The following ARHGAP26 variants were observed in gnomAD, a reference collection of about 807,000 sequenced individuals.
The protein encoded by ARHGAP26 is Rho GTPase activating protein 26, also known as rho GTPase-activating protein 26.
A neutral mutation model predicts 104.8 loss-of-function variants in ARHGAP26; 38 were observed. The ratio of observed to expected loss-of-function variants is 0.36; its 90% CI spans 0.28 to 0.48. The LOEUF (loss-of-function observed/expected upper bound fraction) is 0.48, where lower values mean the gene tolerates loss of function less well. ARHGAP26 is among the 20% of genes least tolerant of loss of function. The pLI is 0.99. For missense variants in ARHGAP26, 704 were observed against 947.9 expected (o/e 0.74, Z 3.38); for synonymous variants, 341 against 340.0 (o/e 1.00, Z -0.03).
In ARHGAP26 at chr5:143,207,279, A is replaced by T; in HGVS notation, c.2070A>T (p.Ser690=). 1 of 1,613,576 alleles carries T rather than the reference A, an allele frequency of 6.2e-7. No individual in the cohort carries two copies. Among genetic ancestry groups the T allele is most frequent in the African/African-American group, 1.3e-5 (1 of 74,838 alleles). ...FSAPSSPMPT[S]STSSDSSPVS... ...CGCCATCCAGCCCTATGCCCACCTCATCCACGTCCAGCGACTCATCCCCCG... is the reference window on the plus strand; with the variant it reads ...CGCCATCCAGCCCTATGCCCACCTCTTCCACGTCCAGCGACTCATCCCCCG... The change falls in exon 21 of 23, where the codon TCA becomes TCT. Residue 690 remains serine (S), a synonymous_variant. Transcript: ENST00000645722.
intron 1 of ARHGAP26, among the ~76,000 whole-genome samples, chr5:142,835,399 T>C (rs576521924): frequency 6.6e-6 from 1 of 152,334 alleles, no homozygotes; most frequent in East Asian, 1.9e-4. Context: ...CTCCTGGGTC[T>C]TGCAATCTTT....
chr5:143,060,054 T>C (rs988997412), intron 17 of ARHGAP26, among the ~76,000 whole-genome samples: 6 of 152,210 alleles, frequency 3.9e-5, no homozygotes, highest in Non-Finnish European at 7.3e-5. Flanking sequence ...TATATTCTCA[T>C]TTACAGCACT....
chr5:143,210,625 A>G (rs1160017295), intron 21 of ARHGAP26, among the ~76,000 whole-genome samples: 2 of 152,186 alleles, frequency 1.3e-5, no homozygotes, highest in Non-Finnish European at 2.9e-5. Flanking sequence ...CCAAACCCGT[A>G]ACTTGCATTT....
chr5:142,858,016 A>G (rs1389930092), intron 1 of ARHGAP26, among the ~76,000 whole-genome samples: 1 of 151,902 alleles, frequency 6.6e-6, no homozygotes, highest in African/African-American at 2.4e-5. Context: ...GTCTCCAAAG[A>G]GAGAGGGAGA....
At chr5:142,905,281 C>A (rs923584601) in intron 8 of ARHGAP26, among the ~76,000 whole-genome samples, 3 of 152,194 alleles carry the variant, frequency 2.0e-5, no homozygotes, top group Non-Finnish European at 2.9e-5. Context: ...TCATGTCACA[C>A]ACTTTTATTC....
intron 1 of ARHGAP26, among the ~76,000 whole-genome samples, chr5:142,806,506 T>C (rs1763018152): frequency 6.6e-6 from 1 of 151,134 alleles, no homozygotes; most frequent in Non-Finnish European, 1.5e-5. Flanking sequence ...TGTGTGTGTG[T>C]GTTTAGTTTA....
At chr5:143,104,148 A>C (rs1793667152) in intron 17 of ARHGAP26, among the ~76,000 whole-genome samples, 1 of 152,156 alleles carries the variant, frequency 6.6e-6, no homozygotes, top group Non-Finnish European at 1.5e-5. Flanking sequence ...GGGCATATTA[A>C]AATTTTCTAG....
At chr5:143,128,737 A>G (rs887486601) in intron 18 of ARHGAP26, among the ~76,000 whole-genome samples, 5 of 152,114 alleles carry the variant, frequency 3.3e-5, no homozygotes, top group African/African-American at 1.2e-4. Context: ...AAACAAACCA[A>G]TCCCACATTA....
At chr5:142,866,581 A>G (rs796934335) in intron 1 of ARHGAP26, among the ~76,000 whole-genome samples, 6 of 152,208 alleles carry the variant, frequency 3.9e-5, no homozygotes, top group Non-Finnish European at 7.3e-5. Context: ...TATTTCATCT[A>G]AATAGAATTA....
intron 4 of ARHGAP26, among the ~76,000 whole-genome samples, chr5:142,884,104 A>G (rs756439121): frequency 3.3e-5 from 5 of 152,228 alleles, no homozygotes; most frequent in Admixed American, 1.3e-4. Flanking sequence ...AATGTACCCA[A>G]TTAGCAAATT....
intron 11 of ARHGAP26, among the ~76,000 whole-genome samples, chr5:143,011,523 C>T (rs1010652886): frequency 6.6e-6 from 1 of 152,106 alleles, no homozygotes; most frequent in Non-Finnish European, 1.5e-5. Context: ...GATAAGTAAA[C>T]GAATTGCAAG....
chr5:143,196,283 T>C (rs1278258457), intron 20 of ARHGAP26, among the ~76,000 whole-genome samples: 1 of 152,174 alleles, frequency 6.6e-6, no homozygotes, highest in African/African-American at 2.4e-5. Flanking sequence ...TCTAATCTCA[T>C]GTTTATGGCA....
chr5:142,990,825 C>T (rs1156995818), intron 11 of ARHGAP26, among the ~76,000 whole-genome samples: 3 of 152,132 alleles, frequency 2.0e-5, no homozygotes, highest in Non-Finnish European at 4.4e-5. Flanking sequence ...CCTCTGGAAG[C>T]TTCATCTCAG....
At chr5:142,995,735 C>T (rs897684525) in intron 11 of ARHGAP26, among the ~76,000 whole-genome samples, 1 of 152,132 alleles carries the variant, frequency 6.6e-6, no homozygotes, top group Admixed American at 6.5e-5. Context: ...AGGCACTATT[C>T]ACAATAACAA....
intron 1 of ARHGAP26, among the ~76,000 whole-genome samples, chr5:142,853,005 C>G (rs529922655): frequency 2.6e-5 from 4 of 152,202 alleles, no homozygotes; most frequent in African/African-American, 9.6e-5. Flanking sequence ...TCAAGCTTGC[C>G]TTTATCGAGC....
At chr5:143,109,838 G>C (rs1340553340) in intron 17 of ARHGAP26, among the ~76,000 whole-genome samples, 1 of 152,110 alleles carries the variant, frequency 6.6e-6, no homozygotes, top group Non-Finnish European at 1.5e-5. Flanking sequence ...GACTAATACT[G>C]TTACCCCTCT....
intron 10 of ARHGAP26, among the ~76,000 whole-genome samples, chr5:142,928,851 T>G (rs1181931563): frequency 6.6e-6 from 1 of 151,772 alleles, no homozygotes; most frequent in East Asian, 1.9e-4. Context: ...AGGCTCACAA[T>G]TCTTTGTAGA....
At chr5:142,814,029 G>A (rs1764635568) in intron 1 of ARHGAP26, among the ~76,000 whole-genome samples, 1 of 152,246 alleles carries the variant, frequency 6.6e-6, no homozygotes, top group African/African-American at 2.4e-5. Context: ...GCTTAGGCAA[G>A]TTGGCTGTTC....
intron 11 of ARHGAP26, among the ~76,000 whole-genome samples, chr5:142,953,324 C>A (rs971026466): frequency 3.3e-5 from 5 of 152,212 alleles, no homozygotes; most frequent in Admixed American, 3.3e-4. Context: ...AGATTGGTCA[C>A]CTGCACTTAT....
Sources: gnomAD v4.1 joint callset for allele counts (sites outside exome capture counted in the v4.1 genomes callset) on GRCh38, gnomAD v4.1.1 for gene constraint, MANE v1.5 for transcripts, NCBI Gene and HGNC (gene_info 2026-07-23, HGNC 2026-07-21) for gene names.